The following ZNHIT6 variants were observed in gnomAD, a reference collection of about 807,000 sequenced individuals.
ZNHIT6 encodes zinc finger HIT-type containing 6.
Under a neutral mutation model 57.2 loss-of-function variants are expected in ZNHIT6, and 45 were observed. The observed-to-expected ratio is 0.79, with a 90% CI of 0.62 to 1.01. ZNHIT6 has a LOEUF of 1.01. Ranked by LOEUF, ZNHIT6 falls within the 50% of genes least tolerant of loss-of-function variation. The pLI is 0.00. For missense variants in ZNHIT6, 528 were observed against 567.3 expected (o/e 0.93, Z 0.70); for synonymous variants, 188 against 190.0 (o/e 0.99, Z 0.09).
intron 8 of ZNHIT6, among the ~76,000 whole-genome samples, chr1:85,658,490 A>C (rs994689285): frequency 6.6e-6 from 1 of 152,072 alleles, no homozygotes. Flanking sequence ...TTGGCCTCCC[A>C]AAGTGCTGGG....
At chr1:85,686,392 G>A (rs1306322948) in intron 5 of ZNHIT6, among the ~76,000 whole-genome samples, 2 of 152,064 alleles carry the variant, frequency 1.3e-5, no homozygotes, top group Admixed American at 6.5e-5. Context: ...GAACCAGAAC[G>A]AGGGTTACCT....
Position 85,707,936 on chromosome 1 carries a change from C to A in ZNHIT6, c.349G>T (p.Val117Leu). The change falls in exon 1 of 10, where the codon GTG (valine) becomes TTG (leucine). Residue 117 changes from valine (V) to leucine (L), a missense_variant. Transcript: ENST00000370574. The part of the protein sequence containing the change: ...VKDENAGVLE[V>L]KQETDSSLVV... ...AAACTACTATCCGTCTCCTGCTTCA[C>A]CTCCAATACGCCTGCGTTCTCATCC... 6.2e-7 allele frequency: 1 copy of A among 1,614,124 alleles called. No homozygotes were observed. Among genetic ancestry groups the A allele is most frequent in the Non-Finnish European group, 8.5e-7 (1 of 1,180,030 alleles).
At chr1:85,686,251 G>C (rs1029557352) in intron 5 of ZNHIT6, among the ~76,000 whole-genome samples, 1 of 151,886 alleles carries the variant, frequency 6.6e-6, no homozygotes, top group African/African-American at 2.4e-5. Context: ...GTGAGCCACC[G>C]CACCCACCCT....
chr1:85,686,845 A>C (rs948609226), intron 5 of ZNHIT6, among the ~76,000 whole-genome samples: 1 of 152,160 alleles, frequency 6.6e-6, no homozygotes, highest in South Asian at 2.1e-4. Flanking sequence ...TTGCGTTTGA[A>C]TCCCATTTTA....
At chr1:85,692,912 G>C (rs1199658576) in intron 5 of ZNHIT6, among the ~76,000 whole-genome samples, 1 of 152,042 alleles carries the variant, frequency 6.6e-6, no homozygotes, top group Non-Finnish European at 1.5e-5. Context: ...TTTACAAGAG[G>C]GACACCTAGT....
intron 5 of ZNHIT6, among the ~76,000 whole-genome samples, chr1:85,700,649 T>C (rs1213596252): frequency 6.6e-6 from 1 of 152,214 alleles, no homozygotes; most frequent in African/African-American, 2.4e-5. Context: ...GAATAGTTTC[T>C]TTCATAAAAC....
At chr1:85,662,863 C>A (rs949947852) in intron 8 of ZNHIT6, among the ~76,000 whole-genome samples, 2 of 152,128 alleles carry the variant, frequency 1.3e-5, no homozygotes, top group Non-Finnish European at 2.9e-5. Context: ...CCTATTCTAA[C>A]CATGATATTT....
chr1:85,664,872 C>T (rs148890844), intron 8 of ZNHIT6, among the ~76,000 whole-genome samples: 132 of 152,254 alleles, frequency 8.7e-4, no homozygotes, highest in African/African-American at 3.0e-3. Flanking sequence ...CGCTCTGTCA[C>T]CCAGGCTAGA....
chr1:85,690,969 T>A (rs1380659589), intron 5 of ZNHIT6, among the ~76,000 whole-genome samples: 1 of 152,182 alleles, frequency 6.6e-6, no homozygotes, highest in Non-Finnish European at 1.5e-5. Flanking sequence ...GAGGGTGCAG[T>A]GAGCCGAGAT....
chr1:85,659,071 T>C (rs556522985), intron 8 of ZNHIT6, among the ~76,000 whole-genome samples: 11 of 152,302 alleles, frequency 7.2e-5, no homozygotes, highest in African/African-American at 2.2e-4. Flanking sequence ...AAGTCAATTA[T>C]TCTAATTATA....
intron 4 of ZNHIT6, among the ~76,000 whole-genome samples, chr1:85,704,206 T>C (rs1662615228): frequency 6.6e-6 from 1 of 152,166 alleles, no homozygotes; most frequent in Non-Finnish European, 1.5e-5. Context: ...TTGGAAAATG[T>C]TTTGGTAACA....
chr1:85,657,743 G>A, intron 9 of ZNHIT6, 104 bp downstream of exon 9: 1 of 1,154,352 alleles, frequency 8.7e-7, no homozygotes, highest in Non-Finnish European at 1.2e-6. Flanking sequence ...CTGTAAGTGT[G>A]TAAATATAGT....
chr1:85,678,498 T>C (rs1661770524), intron 7 of ZNHIT6, among the ~76,000 whole-genome samples: 1 of 152,230 alleles, frequency 6.6e-6, no homozygotes, highest in Admixed American at 6.5e-5. Flanking sequence ...ACACATTTAT[T>C]ACTGTCTGCT....
intron 5 of ZNHIT6, 42 bp downstream of exon 5, chr1:85,702,115 T>C: frequency 7.3e-7 from 1 of 1,363,236 alleles, no homozygotes; most frequent in Non-Finnish European, 1.0e-6. Flanking sequence ...ATGATCCTGA[T>C]CAAATCAGAA....
chr1:85,684,804 T>C (rs10047152), intron 5 of ZNHIT6, among the ~76,000 whole-genome samples: 3,719 of 152,278 alleles, frequency 0.024, 164 homozygotes, highest in African/African-American at 0.086. Flanking sequence ...TCTATAACCA[T>C]AATCTAAATT....
At chr1:85,657,683 C>T (rs1367191479) in intron 9 of ZNHIT6, among the ~76,000 whole-genome samples, 164 bp downstream of exon 9, 1 of 152,116 alleles carries the variant, frequency 6.6e-6, no homozygotes, top group Admixed American at 6.6e-5. Flanking sequence ...AGAAGAGTAG[C>T]AGCATTGCAT....
intron 8 of ZNHIT6, among the ~76,000 whole-genome samples, chr1:85,667,307 T>C (rs1279718979): frequency 6.6e-6 from 1 of 152,190 alleles, no homozygotes; most frequent in East Asian, 1.9e-4. Flanking sequence ...TCATACTTAC[T>C]ATATTCCATA....
At chr1:85,688,009 C>T (rs1209327262) in intron 5 of ZNHIT6, among the ~76,000 whole-genome samples, 1 of 149,652 alleles carries the variant, frequency 6.7e-6, no homozygotes, top group Non-Finnish European at 1.5e-5. Flanking sequence ...TGCCATTGCA[C>T]TCCAGCCTGG....
chr1:85,657,688 T>G (rs2100645791), intron 9 of ZNHIT6, among the ~76,000 whole-genome samples, 159 bp downstream of exon 9: 1 of 152,276 alleles, frequency 6.6e-6, no homozygotes, highest in South Asian at 2.1e-4. Context: ...AGTAGCAGCA[T>G]TGCATTTACC....
Sources: gnomAD v4.1 joint callset for allele counts (sites outside exome capture counted in the v4.1 genomes callset) on GRCh38, gnomAD v4.1.1 for gene constraint, MANE v1.5 for transcripts, NCBI Gene and HGNC (gene_info 2026-07-23, HGNC 2026-07-21) for gene names.